Variants in NRG3 observed in about 807,000 individuals in gnomAD.
NRG3 encodes pro-neuregulin-3, membrane-bound isoform.
A neutral mutation model predicts 66.9 loss-of-function variants in NRG3; 31 were observed. The observed-to-expected ratio is 0.46, with a 90% CI of 0.35 to 0.63. NRG3 has a LOEUF of 0.63. NRG3 is among the 20% of genes least tolerant of loss of function. NRG3 has a pLI of 0.00. For missense variants in NRG3, 910 were observed against 878.9 expected (o/e 1.04, Z -0.45); for synonymous variants, 393 against 359.4 (o/e 1.09, Z -1.06).
chr10:82,899,329 A>G (rs554826806), intron 4 of NRG3, among the ~76,000 whole-genome samples: 1 of 152,180 alleles, frequency 6.6e-6, no homozygotes, highest in Non-Finnish European at 1.5e-5. Context: ...AGGTGCATGA[A>G]TAATGCAAGT....
chr10:82,717,808 G>T (rs1201073385), intron 2 of NRG3, among the ~76,000 whole-genome samples: 1 of 151,770 alleles, frequency 6.6e-6, no homozygotes, highest in African/African-American at 2.4e-5. Context: ...AACACTCCCA[G>T]TGGCAGAGAC....
intron 3 of NRG3, among the ~76,000 whole-genome samples, chr10:82,864,490 A>C (rs2064320235): frequency 6.6e-6 from 1 of 152,318 alleles, no homozygotes; most frequent in African/African-American, 2.4e-5. Flanking sequence ...TGGTAGCAAT[A>C]GTTTTTTCCC....
chr10:82,832,220 T>C (rs1362556586), intron 3 of NRG3, among the ~76,000 whole-genome samples: 2 of 152,242 alleles, frequency 1.3e-5, no homozygotes, highest in East Asian at 1.9e-4. Flanking sequence ...AGACAGATGC[T>C]GTGACCGTCC....
At chr10:81,953,743 C>G (rs1849579274) in intron 1 of NRG3, among the ~76,000 whole-genome samples, 1 of 152,120 alleles carries the variant, frequency 6.6e-6, no homozygotes, top group African/African-American at 2.4e-5. Flanking sequence ...AACATATCAC[C>G]AGAGTTTTTG....
intron 2 of NRG3, among the ~76,000 whole-genome samples, chr10:82,679,862 GA>G (rs971337197): frequency 1.3e-4 from 19 of 145,948 alleles, no homozygotes; most frequent in African/African-American, 2.5e-4. Context: ...TTACCTACTG[GA>G]AAAAAAAAAG....
chr10:82,588,332 G>A (rs1400213645), intron 2 of NRG3, among the ~76,000 whole-genome samples: 4 of 152,064 alleles, frequency 2.6e-5, no homozygotes, highest in African/African-American at 9.7e-5. Context: ...TTGTTTAAAT[G>A]AGGGTGGCAC....
At chr10:82,076,560 CA>C (rs746737251) in intron 1 of NRG3, among the ~76,000 whole-genome samples, 8 of 152,112 alleles carry the variant, frequency 5.3e-5, no homozygotes, top group Non-Finnish European at 8.8e-5. Context: ...GTGTTTGTAT[CA>C]GGGGGGTGGG....
At chr10:82,018,733 A>G (rs1219696252) in intron 1 of NRG3, among the ~76,000 whole-genome samples, 4 of 151,808 alleles carry the variant, frequency 2.6e-5, no homozygotes, top group Non-Finnish European at 5.9e-5. Flanking sequence ...TTGGCTCTCT[A>G]TTTGTCTGTT....
At chr10:82,909,319 T>A (rs556288520) in intron 4 of NRG3, among the ~76,000 whole-genome samples, 2 of 152,328 alleles carry the variant, frequency 1.3e-5, no homozygotes, top group Non-Finnish European at 2.9e-5. Context: ...CACACAGGCA[T>A]TCTGAAGAAC....
intron 1 of NRG3, among the ~76,000 whole-genome samples, chr10:82,257,974 C>A (rs936094939): frequency 3.9e-5 from 6 of 152,152 alleles, no homozygotes; most frequent in African/African-American, 1.2e-4. Flanking sequence ...TTGGTGTCTG[C>A]ATCTTGCATA....
chr10:82,198,706 ATAACT>A (rs1288123464), intron 1 of NRG3, among the ~76,000 whole-genome samples: 5 of 152,138 alleles, frequency 3.3e-5, no homozygotes, highest in African/African-American at 1.2e-4. Context: ...CGTACTGAAA[ATAACT>A]TAAGGGGCCG....
chr10:82,295,714 C>T (rs558027482), intron 1 of NRG3, among the ~76,000 whole-genome samples: 1 of 152,172 alleles, frequency 6.6e-6, no homozygotes, highest in Non-Finnish European at 1.5e-5. Flanking sequence ...CTATTTTAAC[C>T]TCTGGCTTTA....
chr10:81,986,253 T>G (rs1309559862), intron 1 of NRG3, among the ~76,000 whole-genome samples: 2 of 152,178 alleles, frequency 1.3e-5, no homozygotes, highest in Non-Finnish European at 2.9e-5. Flanking sequence ...AATTTGTAAC[T>G]GTAACATTCT....
At position 82,282,957 on chromosome 10, in the gene NRG3, G is replaced by T. The variant is rs371968104; in HGVS notation, c.824-75782G>T. ...GGCCCCGGTGTTTACTAACAGTGTTGCCTTGGGCTGATGACTCATCCCAAT... is the reference window on the plus strand; with the variant it reads ...GGCCCCGGTGTTTACTAACAGTGTTTCCTTGGGCTGATGACTCATCCCAAT... On this transcript the variant is annotated intron_variant, in intron 1 of 8. Transcript: ENST00000372141. 7.9e-5 allele frequency among the ~76,000 whole-genome samples: 12 copies of T among 152,196 alleles called. 1 individual carries two copies. Among genetic ancestry groups the T allele is most frequent in the African/African-American group, 2.9e-4 (12 of 41,546 alleles).
At chr10:82,959,569 G>A (rs1192427713) in intron 6 of NRG3, among the ~76,000 whole-genome samples, 1 of 152,154 alleles carries the variant, frequency 6.6e-6, no homozygotes, top group Non-Finnish European at 1.5e-5. Flanking sequence ...AACAGAGTCG[G>A]ACTCGGACTG....
chr10:82,745,269 A>C (rs924947019), intron 3 of NRG3, among the ~76,000 whole-genome samples: 44 of 152,256 alleles, frequency 2.9e-4, no homozygotes, highest in African/African-American at 1.0e-3. Context: ...TTTATGCTAG[A>C]GTGTGAAGGG....
intron 2 of NRG3, among the ~76,000 whole-genome samples, chr10:82,359,260 A>T (rs2083971818): frequency 6.6e-6 from 1 of 152,360 alleles, no homozygotes; most frequent in South Asian, 2.1e-4. Context: ...CAAACTGCTC[A>T]TCTAAGATCT....
chr10:82,541,954 A>G (rs988320806), intron 2 of NRG3, among the ~76,000 whole-genome samples: 2 of 152,190 alleles, frequency 1.3e-5, no homozygotes, highest in African/African-American at 4.8e-5. Flanking sequence ...TGTGCTGAGC[A>G]TGCAGGTTTG....
At chr10:82,726,568 A>G (rs777169451) in intron 2 of NRG3, among the ~76,000 whole-genome samples, 6 of 152,094 alleles carry the variant, frequency 3.9e-5, no homozygotes, top group African/African-American at 7.2e-5. Flanking sequence ...GCCTTCTGCC[A>G]TGATTGGGAG....
Sources: gnomAD v4.1 joint callset for allele counts (sites outside exome capture counted in the v4.1 genomes callset) on GRCh38, gnomAD v4.1.1 for gene constraint, MANE v1.5 for transcripts, NCBI Gene and HGNC (gene_info 2026-07-23, HGNC 2026-07-21) for gene names.